Variants in GRIA4 observed in about 807,000 individuals in gnomAD.
GRIA4 encodes the protein glutamate ionotropic receptor AMPA type subunit 4.
Under a neutral mutation model 104.0 loss-of-function variants are expected in GRIA4, and 34 were observed. The ratio of observed to expected loss-of-function variants is 0.33; its 90% CI spans 0.25 to 0.44. The LOEUF is 0.44. GRIA4 is among the 20% of genes least tolerant of loss of function. The pLI, the probability that GRIA4 is intolerant of heterozygous loss-of-function variation, is 1.00. For missense variants in GRIA4, 750 were observed against 1,096.5 expected, an observed-to-expected ratio of 0.68 and a Z score of 4.46; for synonymous variants, 386 against 381.9, an observed-to-expected ratio of 1.01 and a Z score of -0.13.
chr11:105,628,304 T>G (rs1950940013), intron 3 of GRIA4, among the ~76,000 whole-genome samples: 1 of 152,214 alleles, frequency 6.6e-6, no homozygotes, highest in Admixed American at 6.5e-5. Flanking sequence ...AATAACTTTA[T>G]AAATCACTAT....
intron 14 of GRIA4, among the ~76,000 whole-genome samples, chr11:105,942,984 C>T (rs1028541390): frequency 6.6e-6 from 1 of 152,136 alleles, no homozygotes; most frequent in Admixed American, 6.6e-5. Context: ...GTTGACATCT[C>T]TATTTCCTTC....
chr11:105,759,407 C>A (rs1305254542), intron 4 of GRIA4, among the ~76,000 whole-genome samples: 1 of 152,070 alleles, frequency 6.6e-6, no homozygotes, highest in Non-Finnish European at 1.5e-5. Context: ...CCTCTAATTG[C>A]CCCTAAAATG....
At chr11:105,838,566 C>A (rs917326899) in intron 4 of GRIA4, among the ~76,000 whole-genome samples, 8 of 151,960 alleles carry the variant, frequency 5.3e-5, no homozygotes, top group Admixed American at 5.2e-4. Context: ...GGTTAAAATC[C>A]CTGAGGACTT....
intron 4 of GRIA4, among the ~76,000 whole-genome samples, chr11:105,839,570 T>G (rs1335407241): frequency 6.6e-6 from 1 of 152,038 alleles, no homozygotes; most frequent in Admixed American, 6.6e-5. Context: ...AAATCTTTTA[T>G]AAGCACAACC....
chr11:105,904,450 A>G (rs1289609302), intron 8 of GRIA4, among the ~76,000 whole-genome samples: 1 of 152,210 alleles, frequency 6.6e-6, no homozygotes, highest in Non-Finnish European at 1.5e-5. Flanking sequence ...TATGTCAGAA[A>G]GAGTCTCATG....
intron 3 of GRIA4, among the ~76,000 whole-genome samples, chr11:105,674,471 G>C (rs368346482): frequency 6.6e-6 from 1 of 151,528 alleles, no homozygotes; most frequent in East Asian, 1.9e-4. Flanking sequence ...AAAAGCGATG[G>C]AGCAGACGGC....
At chr11:105,955,380 T>C (rs1948561326) in intron 14 of GRIA4, among the ~76,000 whole-genome samples, 1 of 152,158 alleles carries the variant, frequency 6.6e-6, no homozygotes, top group Non-Finnish European at 1.5e-5. Flanking sequence ...GGTGTTTTGT[T>C]TTCTGTTCCT....
intron 3 of GRIA4, among the ~76,000 whole-genome samples, chr11:105,720,761 A>G (rs878986465): frequency 1.3e-5 from 2 of 152,172 alleles, no homozygotes; most frequent in African/African-American, 4.8e-5. Flanking sequence ...TAAATCTCCA[A>G]CCTGTCATAT....
At chr11:105,658,011 A>T (rs2135402731) in intron 3 of GRIA4, among the ~76,000 whole-genome samples, 1 of 151,860 alleles carries the variant, frequency 6.6e-6, no homozygotes, top group Middle Eastern at 3.4e-3. Flanking sequence ...AAGTATTTTT[A>T]TCAGGAAAAA....
At chr11:105,964,221 A>G (rs1240805173) in intron 14 of GRIA4, among the ~76,000 whole-genome samples, 1 of 152,168 alleles carries the variant, frequency 6.6e-6, no homozygotes, top group Non-Finnish European at 1.5e-5. Flanking sequence ...ATTTTACACC[A>G]CTAATGTGGC....
chr11:105,786,313 G>A lies in GRIA4; in HGVS notation c.487+33093G>A, dbSNP rs115547209. ...TTATCTCAAGTCATAATGAAAGTGC[G>A]GCAATAAATTGTTTCTTTTAGGTTT... On this transcript the variant is annotated intron_variant, in intron 4 of 16. Transcript: ENST00000282499. 2.1e-3 allele frequency among the ~76,000 whole-genome samples: 317 copies of A among 152,132 alleles called. 2 individuals are homozygous for A. The highest frequency in any genetic ancestry group is 7.1e-3 in the African/African-American group (293 of 41,512).
intron 3 of GRIA4, among the ~76,000 whole-genome samples, chr11:105,713,251 T>A (rs1014411946): frequency 6.6e-6 from 1 of 151,856 alleles, no homozygotes; most frequent in Admixed American, 6.6e-5. Flanking sequence ...GGCGTCGTGG[T>A]GCCTGCTTTT....
intron 4 of GRIA4, among the ~76,000 whole-genome samples, chr11:105,817,413 C>A (rs918216795): frequency 1.3e-5 from 2 of 150,848 alleles, no homozygotes; most frequent in Non-Finnish European, 2.9e-5. Flanking sequence ...AGCATTGATA[C>A]AACATTTGGG....
At chr11:105,715,616 C>T (rs1445622) in intron 3 of GRIA4, among the ~76,000 whole-genome samples, 70,765 of 151,896 alleles carry the variant, frequency 0.47, 17,313 homozygotes, top group Admixed American at 0.58. Context: ...GTGTATTAGA[C>T]GAGCAAAAAG....
chr11:105,790,294 A>G (rs373640965), intron 4 of GRIA4, among the ~76,000 whole-genome samples: 2 of 152,204 alleles, frequency 1.3e-5, no homozygotes, highest in Non-Finnish European at 2.9e-5. Context: ...ATAGAAGCCA[A>G]TGCACATTGC....
intron 3 of GRIA4, among the ~76,000 whole-genome samples, chr11:105,630,766 C>T (rs546780011): frequency 1.8e-4 from 28 of 152,092 alleles, no homozygotes; most frequent in Admixed American, 1.2e-3. Flanking sequence ...ATGGACTTCT[C>T]CATCTGAGTA....
chr11:105,652,413 A>G (rs552105997), intron 3 of GRIA4, among the ~76,000 whole-genome samples: 1 of 152,292 alleles, frequency 6.6e-6, no homozygotes, highest in South Asian at 2.1e-4. Context: ...TTTCTATTTT[A>G]ACACAGGCTT....
chr11:105,716,295 A>C (rs552644146), intron 3 of GRIA4, among the ~76,000 whole-genome samples: 4 of 152,288 alleles, frequency 2.6e-5, no homozygotes, highest in Non-Finnish European at 5.9e-5. Flanking sequence ...AGAAGAAAGA[A>C]ATAAAACAGC....
intron 6 of GRIA4, among the ~76,000 whole-genome samples, chr11:105,888,521 C>T (rs1163486440): frequency 2.6e-5 from 4 of 151,628 alleles, no homozygotes; most frequent in Non-Finnish European, 5.9e-5. Context: ...CTCCTGACCT[C>T]GTGATCCGCC....
Sources: allele counts gnomAD v4.1 joint callset (sites outside exome capture counted in the v4.1 genomes callset), GRCh38; gene constraint gnomAD v4.1.1; transcripts MANE v1.5; gene names NCBI Gene and HGNC (gene_info 2026-07-23, HGNC 2026-07-21).